The following SIRT1 variants were observed in gnomAD, a reference collection of about 807,000 sequenced individuals.
SIRT1 encodes the protein NAD-dependent protein deacetylase sirtuin-1.
In SIRT1, 24 loss-of-function variants were observed where a neutral mutation model predicts 67.9. The ratio of observed to expected loss-of-function variants is 0.35; its 90% CI spans 0.26 to 0.50. The LOEUF is 0.50. Among genes scored for constraint, SIRT1 ranks in the 20% least tolerant of loss-of-function variants. SIRT1 has a pLI of 0.98. For synonymous variants in SIRT1, 378 were observed against 350.7 expected (o/e 1.08, Z -0.87); for missense variants, 873 against 937.2 (o/e 0.93, Z 0.89).
At chr10:67,887,999 C>T (rs925039731) in intron 2 of SIRT1, among the ~76,000 whole-genome samples, 2 of 152,162 alleles carry the variant, frequency 1.3e-5, no homozygotes, top group African/African-American at 2.4e-5. Context: ...CTGTATCTTA[C>T]TTTTTAAATT....
intron 2 of SIRT1, 126 bp downstream of exon 2, chr10:67,887,659 C>T: frequency 1.8e-6 from 1 of 566,944 alleles, no homozygotes. Context: ...TCACCGTACC[C>T]TCCGCCTTCC....
intron 4 of SIRT1, chr10:67,906,415 T>G (rs1261110226): frequency 2.1e-6 from 2 of 941,894 alleles, no homozygotes; most frequent in Non-Finnish European, 3.0e-6. Flanking sequence ...TACCTTGATA[T>G]CTGTAATTTT....
intron 5 of SIRT1, among the ~76,000 whole-genome samples, chr10:67,907,490 CAAAAAA>C (rs373037115): frequency 9.6e-4 from 105 of 109,036 alleles, no homozygotes; most frequent in Non-Finnish European, 1.3e-3. Context: ...GAGACTCTGT[CAAAAAA>C]AAAAAAAAAA....
chr10:67,896,656 G>A (rs1222548234), intron 4 of SIRT1, among the ~76,000 whole-genome samples: 1 of 150,784 alleles, frequency 6.6e-6, no homozygotes, highest in African/African-American at 2.4e-5. Context: ...TTAGCCGGGT[G>A]TGGTGACACA....
chr10:67,910,264 A>G (rs569044881), intron 7 of SIRT1, among the ~76,000 whole-genome samples: 2 of 152,222 alleles, frequency 1.3e-5, no homozygotes, highest in South Asian at 2.1e-4. Flanking sequence ...AGTCCCAGCT[A>G]CTTGGGAGGT....
chr10:67,915,985 G>GTATT (rs1219776535), intron 8 of SIRT1, among the ~76,000 whole-genome samples: 5 of 152,162 alleles, frequency 3.3e-5, no homozygotes, highest in Non-Finnish European at 5.9e-5. Flanking sequence ...TGTATTGCTT[G>GTATT]TATTTATTTA....
chr10:67,904,167 C>G (rs1009825601), intron 4 of SIRT1, among the ~76,000 whole-genome samples: 4 of 148,380 alleles, frequency 2.7e-5, no homozygotes, highest in Admixed American at 1.4e-4. Context: ...CACTCTGTCA[C>G]CCAGGCTGGA....
chr10:67,909,571 A>ATTGT (rs552948884), intron 7 of SIRT1, 129 bp downstream of exon 7: 11 of 807,702 alleles, frequency 1.4e-5, no homozygotes, highest in African/African-American at 1.8e-5. Context: ...AATTTTAGAA[A>ATTGT]TTGTTTGTTT....
chr10:67,885,440 C>A (rs577504190), intron 1 of SIRT1: 1 of 1,189,944 alleles, frequency 8.4e-7, no homozygotes, highest in South Asian at 4.3e-5. Context: ...AAGTTTCTCT[C>A]CCCCTCTTAC....
At chr10:67,909,596 A>T (rs1403393522) in intron 7 of SIRT1, among the ~76,000 whole-genome samples, 154 bp downstream of exon 7, 1 of 152,104 alleles carries the variant, frequency 6.6e-6, no homozygotes, top group Admixed American at 6.6e-5. Context: ...GTTTATTGAG[A>T]TGGAGTTTCC....
intron 7 of SIRT1, among the ~76,000 whole-genome samples, chr10:67,911,677 T>G (rs1231202436): frequency 3.2e-5 from 4 of 124,810 alleles, no homozygotes; most frequent in Non-Finnish European, 6.4e-5. Context: ...CTGTTAGTCC[T>G]TCCTTCTGTC....
chr10:67,888,782 C>CAAA, intron 2 of SIRT1, 100 bp from the exon 3 acceptor site: 1 of 1,373,396 alleles, frequency 7.3e-7, no homozygotes, highest in South Asian at 1.5e-5. Flanking sequence ...TCTTACTTTG[C>CAAA]AAAAAACCCT....
At chr10:67,904,894 A>T (rs1157799818) in intron 4 of SIRT1, among the ~76,000 whole-genome samples, 1 of 151,604 alleles carries the variant, frequency 6.6e-6, no homozygotes, top group East Asian at 1.9e-4. Flanking sequence ...AATGTCCCTT[A>T]TGATTTGTCT....
chr10:67,894,989 T>C (rs1842630554), intron 4 of SIRT1, among the ~76,000 whole-genome samples: 1 of 152,112 alleles, frequency 6.6e-6, no homozygotes, highest in Non-Finnish European at 1.5e-5. Flanking sequence ...AGCCACAATG[T>C]CCAGCTGATA....
At chr10:67,897,374 C>T (rs1287349446) in intron 4 of SIRT1, among the ~76,000 whole-genome samples, 2 of 147,108 alleles carry the variant, frequency 1.4e-5, no homozygotes, top group Non-Finnish European at 3.0e-5. Flanking sequence ...TTGCAACCTC[C>T]GCCTCCCAGG....
chr10:67,902,380 T>G (rs568685907), intron 4 of SIRT1, among the ~76,000 whole-genome samples: 1 of 152,322 alleles, frequency 6.6e-6, no homozygotes, highest in Admixed American at 6.5e-5. Flanking sequence ...CTGCTAATAA[T>G]TAATTTTAAA....
intron 4 of SIRT1, among the ~76,000 whole-genome samples, chr10:67,900,097 A>AT (rs1368713280): frequency 5.9e-5 from 9 of 152,018 alleles, no homozygotes; most frequent in African/African-American, 2.2e-4. Context: ...AATAAATACA[A>AT]TTTTAAATAA....
rs777980467 is a variant in SIRT1 at position 67,887,529 on chromosome 10, G to C, written c.543G>C (p.Arg181=). 3 of 1,590,262 alleles carry C rather than the reference G, an allele frequency of 1.9e-6. No homozygotes were observed. Among genetic ancestry groups the C allele is most frequent in the Non-Finnish European group, 2.6e-6 (3 of 1,158,456 alleles). The change falls in exon 2 of 9, where the codon CGG becomes CGC. Residue 181 remains arginine (R), a synonymous_variant. Transcript: ENST00000212015. ...ASSSDWTPRP[R]IGPYTFVQQH... ...CTAGTGACTGGACTCCAAGGCCACG[G>C]ATAGGTATGGCTCAGAGCTGTTAAT... is the stretch of plus-strand genomic sequence containing the variant.
At chr10:67,906,197 A>AC (rs1264900925) in intron 4 of SIRT1, 8 of 1,449,286 alleles carry the variant, frequency 5.5e-6, no homozygotes, top group Non-Finnish European at 7.3e-6. Flanking sequence ...TGGGGGGAAA[A>AC]ACACACACAC....
Sources: gnomAD v4.1 joint callset for allele counts (sites outside exome capture counted in the v4.1 genomes callset) on GRCh38, gnomAD v4.1.1 for gene constraint, MANE v1.5 for transcripts, NCBI Gene and HGNC (gene_info 2026-07-23, HGNC 2026-07-21) for gene names.